Variants in CSMD1 observed in about 807,000 individuals in gnomAD.
CSMD1 encodes the protein CUB and Sushi multiple domains 1.
A neutral mutation model predicts 417.5 loss-of-function variants in CSMD1; 213 were observed. The ratio of observed to expected loss-of-function variants is 0.51; its 90% CI spans 0.46 to 0.57. The LOEUF (loss-of-function observed/expected upper bound fraction) is 0.57, where lower values mean the gene tolerates loss of function less well. CSMD1 is among the 20% of genes least tolerant of loss of function. CSMD1 has a pLI of 0.00. For missense variants in CSMD1, 6,923 were observed against 4,529.7 expected (o/e 1.53, Z -15.17); for synonymous variants, 2,862 against 1,736.8 (o/e 1.65, Z -16.11).
chr8:4,857,707 A>G (rs1375681513), intron 1 of CSMD1, among the ~76,000 whole-genome samples: 1 of 152,060 alleles, frequency 6.6e-6, no homozygotes, highest in African/African-American at 2.4e-5. Flanking sequence ...TCCCAAGACT[A>G]AACCAGGAAG....
chr8:3,355,953 T>A (rs898431932), intron 21 of CSMD1, among the ~76,000 whole-genome samples: 13 of 152,146 alleles, frequency 8.5e-5, no homozygotes, highest in African/African-American at 3.1e-4. Flanking sequence ...TCTATCATCC[T>A]AAATGCATCA....
At chr8:4,064,611 G>C (rs1799148314) in intron 3 of CSMD1, among the ~76,000 whole-genome samples, 1 of 152,146 alleles carries the variant, frequency 6.6e-6, no homozygotes, top group Admixed American at 6.5e-5. Context: ...ACGTGGCAAG[G>C]CTCCCAACAC....
chr8:4,020,675 G>T (rs79716520), intron 4 of CSMD1, among the ~76,000 whole-genome samples: 1 of 152,152 alleles, frequency 6.6e-6, no homozygotes, highest in Non-Finnish European at 1.5e-5. Context: ...AGATAACAAA[G>T]CTGTTTTCAT....
At chr8:4,236,055 T>TTTTTTTTTTTTTTTTG (rs1802038108) in intron 3 of CSMD1, among the ~76,000 whole-genome samples, 10 of 83,750 alleles carry the variant, frequency 1.2e-4, no homozygotes, top group Non-Finnish European at 2.1e-4. Flanking sequence ...TTTTTTTTTT[T>TTTTTTTTTTTTTTTTG]TTTTTTTTTT....
In CSMD1 at chr8:3,923,587, C is replaced by G. The variant is rs146954647; in HGVS notation, c.818+74316G>C. ...TAATTAAATGAAGCTAATTAACATA[C>G]TCATCACCTCATATACTCACCATTT... On this transcript the variant is annotated intron_variant, in intron 5 of 69. Transcript: ENST00000635120. Among the ~76,000 whole-genome samples, 797 of 152,252 alleles carry G rather than the reference C, an allele frequency of 5.2e-3. 7 individuals carry two copies. Among genetic ancestry groups the G allele is most frequent in the African/African-American group, 0.018 (743 of 41,552 alleles).
chr8:3,467,379 C>A (rs967342871), intron 12 of CSMD1, among the ~76,000 whole-genome samples: 1 of 152,132 alleles, frequency 6.6e-6, no homozygotes, highest in Non-Finnish European at 1.5e-5. Context: ...AAATGCAGGT[C>A]ATGTGGAAAA....
chr8:4,911,590 G>C (rs1179303866), intron 1 of CSMD1, among the ~76,000 whole-genome samples: 1 of 151,944 alleles, frequency 6.6e-6, no homozygotes, highest in Non-Finnish European at 1.5e-5. Flanking sequence ...AGGGATCTCA[G>C]AGCTCTCCTG....
chr8:3,309,166 C>G (rs554983343), intron 23 of CSMD1, among the ~76,000 whole-genome samples: 2 of 152,286 alleles, frequency 1.3e-5, no homozygotes, highest in Admixed American at 6.5e-5. Context: ...GCCCCTCTGT[C>G]ACAACCTAGA....
chr8:3,449,320 T>A (rs1206768099), intron 12 of CSMD1, among the ~76,000 whole-genome samples: 2 of 152,162 alleles, frequency 1.3e-5, no homozygotes, highest in Non-Finnish European at 2.9e-5. Context: ...TGAATCCAAA[T>A]CAGCACAAAC....
At chr8:3,309,215 G>GCGCTT (rs1413569079) in intron 23 of CSMD1, among the ~76,000 whole-genome samples, 5 of 152,110 alleles carry the variant, frequency 3.3e-5, no homozygotes, top group Non-Finnish European at 7.3e-5. Context: ...CACTGCCAGG[G>GCGCTT]TGCTTTGCAG....
At chr8:3,891,876 T>C (rs1247567148) in intron 5 of CSMD1, among the ~76,000 whole-genome samples, 2 of 152,212 alleles carry the variant, frequency 1.3e-5, no homozygotes, top group East Asian at 3.8e-4. Flanking sequence ...GGCTAGTTAC[T>C]GACACGTTTA....
chr8:4,811,417 CAT>C (rs1291334985), intron 1 of CSMD1, among the ~76,000 whole-genome samples: 1 of 151,940 alleles, frequency 6.6e-6, no homozygotes, highest in Non-Finnish European at 1.5e-5. Flanking sequence ...TATGTTGAAT[CAT>C]ATAAAATTGT....
intron 1 of CSMD1, among the ~76,000 whole-genome samples, chr8:4,770,093 G>A (rs1353311393): frequency 6.6e-6 from 1 of 151,592 alleles, no homozygotes; most frequent in Non-Finnish European, 1.5e-5. Flanking sequence ...GATACTTCAT[G>A]CTCATAGATC....
chr8:4,631,659 G>T (rs1377168791), intron 2 of CSMD1, among the ~76,000 whole-genome samples: 1 of 152,102 alleles, frequency 6.6e-6, no homozygotes, highest in African/African-American at 2.4e-5. Flanking sequence ...AATATTTAAT[G>T]CATTCAAAAG....
chr8:3,720,091 G>A (rs560064446), intron 6 of CSMD1, among the ~76,000 whole-genome samples: 1 of 152,210 alleles, frequency 6.6e-6, no homozygotes, highest in African/African-American at 2.4e-5. Flanking sequence ...AACTTTCCAA[G>A]TCTTTGTTAC....
chr8:4,084,861 A>G (rs1468358338), intron 3 of CSMD1, among the ~76,000 whole-genome samples: 1 of 152,038 alleles, frequency 6.6e-6, no homozygotes, highest in East Asian at 1.9e-4. Flanking sequence ...TGACAAAAGC[A>G]TGGTCTAATG....
intron 5 of CSMD1, among the ~76,000 whole-genome samples, chr8:3,766,983 G>T (rs1042156364): frequency 6.6e-6 from 1 of 152,164 alleles, no homozygotes; most frequent in African/African-American, 2.4e-5. Flanking sequence ...GGGTCCCCAG[G>T]CGAAAAGACC....
At chr8:4,330,114 T>G (rs368365571) in intron 3 of CSMD1, among the ~76,000 whole-genome samples, 1 of 151,580 alleles carries the variant, frequency 6.6e-6, no homozygotes, top group South Asian at 2.1e-4. Flanking sequence ...ATAGTCAGCA[T>G]TTGACTACAT....
chr8:3,083,085 A>G (rs189014465), intron 49 of CSMD1, among the ~76,000 whole-genome samples: 1 of 152,074 alleles, frequency 6.6e-6, no homozygotes, highest in East Asian at 1.9e-4. Flanking sequence ...TTCATATTTC[A>G]TTTTTCTTTT....
Sources: allele counts gnomAD v4.1 joint callset (sites outside exome capture counted in the v4.1 genomes callset), GRCh38; gene constraint gnomAD v4.1.1; transcripts MANE v1.5; gene names NCBI Gene and HGNC (gene_info 2026-07-23, HGNC 2026-07-21).